Variants in ZBTB8B observed in about 807,000 individuals in gnomAD.
ZBTB8B encodes the protein zinc finger and BTB domain containing 8B.
ZBTB8B carries 17 observed loss-of-function variants against 30.3 expected under a neutral mutation model. That is an observed-to-expected ratio of 0.56 (90% CI 0.38 to 0.84). ZBTB8B has a LOEUF of 0.84. Ranked by LOEUF, ZBTB8B falls within the 40% of genes least tolerant of loss-of-function variation. ZBTB8B has a pLI of 0.00. For synonymous variants in ZBTB8B, 248 were observed against 255.6 expected (o/e 0.97, Z 0.28); for missense variants, 515 against 644.9 (o/e 0.80, Z 2.18).
At position 32,485,714 on chromosome 1, in the gene ZBTB8B, G is replaced by T; in HGVS notation, c.*296G>T. 3.0e-6 allele frequency: 1 copy of T among 335,254 alleles called. No homozygotes were observed. Among genetic ancestry groups the T allele is most frequent in the Non-Finnish European group, 5.5e-6 (1 of 182,404 alleles). 20.8% of individuals were successfully genotyped at this position (335,254 alleles called of 1,614,324 possible). ...TTTCTTGCTGTGTGTCCAAACTCTGGTTAGGAGAAAGATAAGAAAATCTCC... is the reference window on the plus strand; with the variant it reads ...TTTCTTGCTGTGTGTCCAAACTCTGTTTAGGAGAAAGATAAGAAAATCTCC... On this transcript the variant is annotated 3_prime_UTR_variant, in exon 4 of 4. Coordinates refer to ENST00000609129, the MANE Select transcript of ZBTB8B (RefSeq NM_001145720.2).
At position 32,490,234 on chromosome 1, in the gene ZBTB8B, A is replaced by G. The variant is rs367704162; in HGVS notation, c.*4816A>G. ...GGGTAGGGAGGGGCAAAGGGTTGGG[A>G]TGGGTGAGAAGTTCCTATTATGCTC... On this transcript the variant is annotated 3_prime_UTR_variant, in exon 4 of 4. Coordinates refer to ENST00000609129, the MANE Select transcript of ZBTB8B (RefSeq NM_001145720.2). 6.6e-6 allele frequency: 1 copy of G among 152,134 alleles called. No individual in the cohort carries two copies. The highest frequency in any genetic ancestry group is 2.4e-5 in the African/African-American group (1 of 41,418). The allele number at this position is 152,134 out of a possible 1,614,324, so 9.4% of individuals were successfully genotyped here.
chr1:32,479,725 A>G (rs1002858569), intron 2 of ZBTB8B, among the ~76,000 whole-genome samples: 4 of 152,164 alleles, frequency 2.6e-5, no homozygotes, highest in East Asian at 1.9e-4. Context: ...CCTGGAACCA[A>G]TTCCCAGTGG....
At chr1:32,483,242 TCCAAAAAAAAAAAAAAAAA>T (rs1643720167) in intron 3 of ZBTB8B, among the ~76,000 whole-genome samples, 1 of 33,118 alleles carries the variant, frequency 3.0e-5, no homozygotes, top group Non-Finnish European at 5.3e-5. Flanking sequence ...CTACTAAAAA[TCCAAAAAAAAAAAAAAAAA>T]AAAAAAAAAA....
In ZBTB8B at chr1:32,484,973, C is replaced by A; in HGVS notation, c.1171-128C>A. 1 of 784,474 alleles carries A rather than the reference C, an allele frequency of 1.3e-6. No homozygotes were observed. The highest frequency in any genetic ancestry group is 2.1e-6 in the Non-Finnish European group (1 of 484,402). The allele number at this position is 784,474 out of a possible 1,614,324, so 48.6% of individuals were successfully genotyped here. On this transcript the variant is annotated intron_variant, in intron 3 of 3. Transcript: ENST00000609129. This position sits in a 1 kb window ranked among gnomAD's most constrained non-coding sequence, Gnocchi z 4.5. The stretch of plus-strand genomic sequence containing the variant: ...GAACAGACTAATACAAAGACTGTGG[C>A]AGAGAATGCAGGTGGAGTGCTGAAA...
intron 2 of ZBTB8B, among the ~76,000 whole-genome samples, chr1:32,472,015 CTACCATCATCACCAG>C (rs1643626266): frequency 6.6e-6 from 1 of 151,160 alleles, no homozygotes; most frequent in Non-Finnish European, 1.5e-5. Flanking sequence ...ATCATCATCA[CTACCATCATCACCAG>C]TACCATCATC....
rs1185804014 is a variant in ZBTB8B, at chr1:32,485,360, A to C, written c.1430A>C (p.Asp477Ala). The stretch of plus-strand genomic sequence containing the variant: ...GAGGAAAATGACCCTGCTGGAGATG[A>C]TTCTGATGACAAACCACAAATTCAG... ...SGEENDPAGD[D>A]SDDKPQIQPN... The change falls in exon 4 of 4, where the codon GAT becomes GCT. Residue 477 changes from aspartate to alanine, a missense_variant. Asp to Ala is a moderately radical substitution (Grantham distance 126). Transcript: ENST00000609129. 1 of 1,552,142 alleles carries C rather than the reference A, an allele frequency of 6.4e-7. No homozygotes were observed. The highest frequency in any genetic ancestry group is 1.4e-5 in the African/African-American group (1 of 73,054).
rs984884800 is a variant in ZBTB8B at position 32,486,648 on chromosome 1, T to C, written c.*1230T>C. The C allele has an allele frequency of 3.3e-5, 5 of 152,202 alleles. No homozygotes were observed. The highest frequency in any genetic ancestry group is 6.5e-5 in the Admixed American group (1 of 15,290). The allele number at this position is 152,202 out of a possible 1,614,324, so 9.4% of individuals were successfully genotyped here. A position where few individuals can be genotyped will look rare whatever the true frequency, so the allele number is the denominator to read the frequency against. Reference sequence around the variant, plus strand: ...GTTGCCATGGCAATGGTAATTGACATGGCACAGTGATAAGTGTTTCTTATG... The same window carrying C: ...GTTGCCATGGCAATGGTAATTGACACGGCACAGTGATAAGTGTTTCTTATG... On this transcript the variant is annotated 3_prime_UTR_variant, in exon 4 of 4. Transcript: ENST00000609129.
At chr1:32,468,107 C>A (rs901214530) in intron 1 of ZBTB8B, among the ~76,000 whole-genome samples, 2 of 151,820 alleles carry the variant, frequency 1.3e-5, no homozygotes, top group African/African-American at 4.8e-5. Context: ...CAGAGTGAGA[C>A]CCCATCCCCC....
intron 1 of ZBTB8B, 146 bp from the exon 2 acceptor site, chr1:32,470,438 T>C (rs1223734891): frequency 2.9e-6 from 2 of 684,702 alleles, no homozygotes; most frequent in Non-Finnish European, 2.2e-6. Flanking sequence ...AGGCGGAGGT[T>C]GCAGTGAGCC....
chr1:32,480,904 G>A lies in ZBTB8B; in HGVS notation c.1005G>A (p.Val335=). Residue 335 remains valine (V), a synonymous_variant, in exon 3 of 4, where the codon GTG becomes GTA. Coordinates refer to ENST00000609129, the MANE Select transcript of ZBTB8B (RefSeq NM_001145720.2). ...TTGGTTCCCCAGGTGATGTGCTGGT[G>A]GTCCCCATCAAGCTCCACAAGTGTC... The part of the protein sequence containing the change: ...WYGEDSGDVL[V]VPIKLHKCPF... 6.4e-7 allele frequency: 1 copy of A among 1,551,418 alleles called. No individual in the cohort carries two copies.
chr1:32,485,639 GC>G lies in ZBTB8B; in HGVS notation c.*223del, dbSNP rs1490563265. On this transcript the variant is annotated 3_prime_UTR_variant, in exon 4 of 4. Transcript: ENST00000609129. ...CCCTTGGTTTCTGAGGGCTTTGCTGGCCACTCCTTAATTCTGAGTGAGTCAA... is the reference window on the plus strand; with the variant it reads ...CCCTTGGTTTCTGAGGGCTTTGCTGGCACTCCTTAATTCTGAGTGAGTCAA... 5.4e-6 allele frequency: 3 copies of G among 554,850 alleles called. No individual in the cohort carries two copies. Among genetic ancestry groups the G allele is most frequent in the Admixed American group, 3.1e-5 (1 of 31,850 alleles). 34.4% of individuals were successfully genotyped at this position (554,850 alleles called of 1,614,324 possible).
At chr1:32,476,164 C>T (rs1440544955) in intron 2 of ZBTB8B, among the ~76,000 whole-genome samples, 1 of 151,906 alleles carries the variant, frequency 6.6e-6, no homozygotes, top group Non-Finnish European at 1.5e-5. Flanking sequence ...GAGACAGGGT[C>T]TCACGCTGTC....
At position 32,481,077 on chromosome 1, in the gene ZBTB8B, T is replaced by C. The variant is rs1025603269; in HGVS notation, c.1170+8T>C. 6.5e-7 allele frequency: 1 copy of C among 1,544,062 alleles called. No homozygotes were observed. Among genetic ancestry groups the C allele is most frequent in the African/African-American group, 1.4e-5 (1 of 72,920 alleles). ...CGGAGCCACGCACTGAGTGTAAGTG[T>C]TCGAGCTGGCCATGCCCTTGTGGCA... On this transcript the variant is annotated splice_region_variant and intron_variant, in intron 3 of 3. Coordinates refer to ENST00000609129, the MANE Select transcript of ZBTB8B (RefSeq NM_001145720.2).
rs1224708537 is a variant in ZBTB8B at position 32,488,180 on chromosome 1, T to A, written c.*2762T>A. 1 of 152,236 alleles carries A rather than the reference T, an allele frequency of 6.6e-6. No individual in the cohort carries two copies. Among genetic ancestry groups the A allele is most frequent in the East Asian group, 1.9e-4 (1 of 5,194 alleles). 9.4% of individuals were successfully genotyped at this position (152,236 alleles called of 1,614,324 possible). On this transcript the variant is annotated 3_prime_UTR_variant, in exon 4 of 4. Coordinates refer to ENST00000609129, the MANE Select transcript of ZBTB8B (RefSeq NM_001145720.2). ...TGAACCCAGGAGGCGGAGGTTGCTG[T>A]GAGCCGACATCACACCACTGCACTC... is the stretch of plus-strand genomic sequence containing the variant.
intron 1 of ZBTB8B, among the ~76,000 whole-genome samples, chr1:32,468,477 C>G (rs1473463525): frequency 3.3e-4 from 51 of 152,240 alleles, no homozygotes; most frequent in Non-Finnish European, 8.8e-5. Context: ...GCTTACACAC[C>G]TGGTGCTTGA....
At chr1:32,482,909 T>C (rs1441043772) in intron 3 of ZBTB8B, among the ~76,000 whole-genome samples, 1 of 151,554 alleles carries the variant, frequency 6.6e-6, no homozygotes, top group African/African-American at 2.4e-5. Context: ...ACTCATAGGG[T>C]AAATGCAAAT....
chr1:32,472,523 A>G (rs1299040738), intron 2 of ZBTB8B, among the ~76,000 whole-genome samples: 1 of 152,154 alleles, frequency 6.6e-6, no homozygotes, highest in Non-Finnish European at 1.5e-5. Flanking sequence ...AGAGATTTAT[A>G]CTTCTCTGTG....
In ZBTB8B at chr1:32,488,665, G is replaced by A. The variant is rs1643761323; in HGVS notation, c.*3247G>A. On this transcript the variant is annotated 3_prime_UTR_variant, in exon 4 of 4. Coordinates refer to ENST00000609129, the MANE Select transcript of ZBTB8B (RefSeq NM_001145720.2). ...AATTCAAAATGTCAGTAATACCAAT[G>A]TTGAGAAACTCTGCTGTAAGATAAA... 6.6e-6 allele frequency: 1 copy of A among 152,140 alleles called. No homozygotes were observed. The highest frequency in any genetic ancestry group is 1.5e-5 in the Non-Finnish European group (1 of 68,024). The allele number at this position is 152,140 out of a possible 1,614,324, so 9.4% of individuals were successfully genotyped here. A position where few individuals can be genotyped will look rare whatever the true frequency, so the allele number is the denominator to read the frequency against.
intron 3 of ZBTB8B, among the ~76,000 whole-genome samples, chr1:32,482,779 A>G (rs866936054): frequency 2.0e-5 from 3 of 151,978 alleles, no homozygotes; most frequent in Middle Eastern, 3.4e-3. Flanking sequence ...GAACTTTTAT[A>G]ATGCAATAGT....
Sources: allele counts gnomAD v4.1 joint callset (sites outside exome capture counted in the v4.1 genomes callset), GRCh38; gene constraint gnomAD v4.1.1; non-coding constraint Gnocchi (gnomAD v3.1); transcripts MANE v1.5; gene names NCBI Gene and HGNC (gene_info 2026-07-23, HGNC 2026-07-21).